NALF1: variants seen among roughly 807,000 people sequenced by gnomAD.
NALF1 encodes NALCN channel auxiliary factor 1.
NALF1 carries 3 observed loss-of-function variants against 48.4 expected under a neutral mutation model. That is an observed-to-expected ratio of 0.06 (90% CI 0.03 to 0.16). The LOEUF (loss-of-function observed/expected upper bound fraction) is 0.16, where lower values mean the gene tolerates loss of function less well. Among genes scored for constraint, NALF1 ranks in the 10% least tolerant of loss-of-function variants. The probability of loss-of-function intolerance (pLI) is 1.00; values close to 1 mark genes in which losing one functional copy is unlikely to be tolerated. For missense variants in NALF1, 526 were observed against 571.5 expected (o/e 0.92, Z 0.81); for synonymous variants, 262 against 245.7 (o/e 1.07, Z -0.62).
rs75862379 is a variant in NALF1, at chr13:107,550,901, GAA to G, written c.915+314779_915+314780del. ...TTATTTCACTATTTATTGACATTCAGAAAAAAAAAAAACTTATTGTTTGTGCT... is the reference window on the plus strand; with the variant it reads ...TTATTTCACTATTTATTGACATTCAGAAAAAAAAAACTTATTGTTTGTGCT... On this transcript the variant is annotated intron_variant, in intron 1 of 2. Coordinates refer to ENST00000375915, the MANE Select transcript of NALF1 (RefSeq NM_001080396.3). 2.5e-3 allele frequency among the ~76,000 whole-genome samples: 369 copies of G among 145,400 alleles called. 2 individuals are homozygous for G. Among genetic ancestry groups the G allele is most frequent in the African/African-American group, 8.5e-3 (335 of 39,628 alleles).
intron 1 of NALF1, among the ~76,000 whole-genome samples, chr13:107,507,526 C>T (rs1875737309): frequency 7.1e-6 from 1 of 140,588 alleles, no homozygotes; most frequent in Non-Finnish European, 1.5e-5. Context: ...ATATCACATC[C>T]TTTTTTTTTG....
chr13:107,822,405 A>G (rs888918106), intron 1 of NALF1, among the ~76,000 whole-genome samples: 2 of 151,480 alleles, frequency 1.3e-5, no homozygotes, highest in Non-Finnish European at 2.9e-5. Flanking sequence ...CTTGGCCTCT[A>G]CACTGTCAGC....
intron 1 of NALF1, among the ~76,000 whole-genome samples, chr13:107,426,101 T>G (rs976189981): frequency 6.6e-6 from 1 of 152,148 alleles, no homozygotes; most frequent in African/African-American, 2.4e-5. Context: ...GATCCCAGGC[T>G]CTCCCCTCCA....
chr13:107,451,306 G>A (rs1884736233), intron 1 of NALF1, among the ~76,000 whole-genome samples: 1 of 152,180 alleles, frequency 6.6e-6, no homozygotes, highest in African/African-American at 2.4e-5. Context: ...GCATGGCTGT[G>A]AAGCAGTCAG....
chr13:107,368,699 G>A (rs72650558), intron 1 of NALF1, among the ~76,000 whole-genome samples: 13,848 of 152,042 alleles, frequency 0.091, 788 homozygotes, highest in East Asian at 0.22. Context: ...TACATTTAGG[G>A]CCCACCCTGA....
chr13:107,787,559 C>T (rs765274672), intron 1 of NALF1, among the ~76,000 whole-genome samples: 8 of 152,114 alleles, frequency 5.3e-5, no homozygotes, highest in Admixed American at 1.3e-4. Flanking sequence ...TAGCTAATAC[C>T]AATATTTCCG....
At chr13:107,341,061 G>C (rs9520395) in intron 1 of NALF1, among the ~76,000 whole-genome samples, 29 of 136,450 alleles carry the variant, frequency 2.1e-4, no homozygotes, top group South Asian at 7.1e-4. Context: ...CCGCCGCCCC[G>C]AACACTTGCA....
intron 1 of NALF1, among the ~76,000 whole-genome samples, chr13:107,325,296 A>G (rs1319734669): frequency 6.6e-6 from 1 of 150,806 alleles, no homozygotes; most frequent in Non-Finnish European, 1.5e-5. Flanking sequence ...ATCAGAATGC[A>G]TGATGATGAT....
chr13:107,555,260 T>TA (rs1444412627), intron 1 of NALF1, among the ~76,000 whole-genome samples: 61 of 151,030 alleles, frequency 4.0e-4, no homozygotes, highest in Non-Finnish European at 8.0e-4. Flanking sequence ...TTTGATTTAT[T>TA]ATTAATTAAT....
intron 1 of NALF1, among the ~76,000 whole-genome samples, chr13:107,562,086 T>C (rs1877663779): frequency 6.6e-6 from 1 of 152,218 alleles, no homozygotes; most frequent in Non-Finnish European, 1.5e-5. Context: ...TCTTTCTAAA[T>C]ATGATTTTGC....
chr13:107,448,431 C>A (rs1380725312), intron 1 of NALF1, among the ~76,000 whole-genome samples: 2 of 152,156 alleles, frequency 1.3e-5, no homozygotes, highest in Admixed American at 6.5e-5. Flanking sequence ...GACATGCTGG[C>A]ACCTTGGACC....
intron 1 of NALF1, among the ~76,000 whole-genome samples, chr13:107,835,733 T>C (rs1266926841): frequency 1.3e-5 from 2 of 152,144 alleles, no homozygotes; most frequent in Non-Finnish European, 2.9e-5. Context: ...GAAGTGACAA[T>C]ATTAACTCAA....
At chr13:107,832,043 T>C (rs977756447) in intron 1 of NALF1, among the ~76,000 whole-genome samples, 1 of 152,158 alleles carries the variant, frequency 6.6e-6, no homozygotes, top group Admixed American at 6.5e-5. Context: ...TGTCCTTCCA[T>C]TTAGAACTAC....
chr13:107,484,032 A>T (rs1594087764), intron 1 of NALF1, among the ~76,000 whole-genome samples: 1 of 152,086 alleles, frequency 6.6e-6, no homozygotes. Flanking sequence ...ACAGCAAGTA[A>T]ATGGAAAAGT....
chr13:107,686,401 T>C (rs61966010), intron 1 of NALF1, among the ~76,000 whole-genome samples: 12,598 of 151,572 alleles, frequency 0.083, 571 homozygotes, highest in South Asian at 0.16. Flanking sequence ...ATTATTATTA[T>C]TGTTATTATT....
intron 1 of NALF1, among the ~76,000 whole-genome samples, chr13:107,443,168 C>CT (rs1193738752): frequency 0.017 from 1,632 of 97,406 alleles, 28 homozygotes; most frequent in Non-Finnish European, 0.023. Flanking sequence ...ATTTATCTAA[C>CT]AATCTATCTA....
intron 1 of NALF1, among the ~76,000 whole-genome samples, chr13:107,372,700 G>A (rs1883268150): frequency 6.6e-6 from 1 of 152,180 alleles, no homozygotes. Flanking sequence ...TTTGGTGATA[G>A]ATCAATGCTT....
intron 1 of NALF1, among the ~76,000 whole-genome samples, chr13:107,767,322 A>T (rs1877443374): frequency 6.6e-6 from 1 of 152,202 alleles, no homozygotes; most frequent in Non-Finnish European, 1.5e-5. Flanking sequence ...GATGAAATTA[A>T]GTCAAGGACT....
chr13:107,516,344 A>T (rs1876050564), intron 1 of NALF1, among the ~76,000 whole-genome samples: 1 of 152,180 alleles, frequency 6.6e-6, no homozygotes, highest in Admixed American at 6.5e-5. Flanking sequence ...GGCAAAAAGC[A>T]TGTGGTATTT....
Sources: gnomAD v4.1 joint callset for allele counts (sites outside exome capture counted in the v4.1 genomes callset) on GRCh38, gnomAD v4.1.1 for gene constraint, MANE v1.5 for transcripts, NCBI Gene and HGNC (gene_info 2026-07-23, HGNC 2026-07-21) for gene names.